Variants in ALPK2 observed in about 807,000 individuals in gnomAD.
ALPK2 encodes alpha-protein kinase 2.
Under a neutral mutation model 163.1 loss-of-function variants are expected in ALPK2, and 127 were observed. That is an observed-to-expected ratio of 0.78 (90% CI 0.67 to 0.90). ALPK2 has a LOEUF of 0.90. ALPK2 is among the 40% of genes least tolerant of loss of function. The probability of loss-of-function intolerance (pLI) is 0.00; values close to 1 mark genes in which losing one functional copy is unlikely to be tolerated. For synonymous variants in ALPK2, 953 were observed against 959.1 expected (o/e 0.99, Z 0.12); for missense variants, 2,360 against 2,589.6 (o/e 0.91, Z 1.92).
intron 4 of ALPK2, among the ~76,000 whole-genome samples, chr18:58,567,192 T>C (rs2051858965): frequency 6.6e-6 from 1 of 150,830 alleles, no homozygotes. Flanking sequence ...TCGAGACCAG[T>C]GTGGCCAACA....
chr18:58,570,540 A>C (rs900297261), intron 4 of ALPK2, among the ~76,000 whole-genome samples: 1 of 152,344 alleles, frequency 6.6e-6, no homozygotes, highest in East Asian at 1.9e-4. Flanking sequence ...GATACTTAAA[A>C]CACAACTGGG....
chr18:58,496,555 C>G (rs769657205), intron 12 of ALPK2, among the ~76,000 whole-genome samples: 1 of 152,216 alleles, frequency 6.6e-6, no homozygotes, highest in Non-Finnish European at 1.5e-5. Context: ...CCCCTTCCTA[C>G]TTTTTCAGAT....
intron 9 of ALPK2, among the ~76,000 whole-genome samples, chr18:58,516,431 A>C (rs2051521915): frequency 1.3e-5 from 2 of 152,272 alleles, no homozygotes; most frequent in South Asian, 4.2e-4. Flanking sequence ...CAAACTCAGG[A>C]AGGCAGAAAA....
intron 10 of ALPK2, among the ~76,000 whole-genome samples, chr18:58,512,711 ATGTG>A (rs1219055071): frequency 2.8e-5 from 3 of 108,476 alleles, no homozygotes; most frequent in Non-Finnish European, 6.0e-5. Context: ...GTGTATGTGT[ATGTG>A]TGTATTGTCT....
At chr18:58,507,440 G>A (rs535757619) in intron 10 of ALPK2, among the ~76,000 whole-genome samples, 203 of 152,296 alleles carry the variant, frequency 1.3e-3, no homozygotes, top group African/African-American at 4.1e-3. Flanking sequence ...GCCACACAAC[G>A]TCAGGAAAAG....
chr18:58,620,884 G>A (rs755896526), intron 1 of ALPK2, among the ~76,000 whole-genome samples: 7 of 152,154 alleles, frequency 4.6e-5, no homozygotes, highest in Admixed American at 2.6e-4. Flanking sequence ...GGCCCGGCAC[G>A]GTGGCTCCCG....
At chr18:58,505,812 G>A (rs1249734280) in intron 10 of ALPK2, among the ~76,000 whole-genome samples, 4 of 152,208 alleles carry the variant, frequency 2.6e-5, no homozygotes, top group Non-Finnish European at 1.5e-5. Context: ...GTTAAGTCCA[G>A]TGTTCTCTTC....
intron 4 of ALPK2, among the ~76,000 whole-genome samples, chr18:58,539,756 T>C (rs899416501): frequency 7.9e-5 from 12 of 152,180 alleles, no homozygotes; most frequent in Non-Finnish European, 2.9e-5. Flanking sequence ...TGAGATTGAT[T>C]CTCATAAATC....
chr18:58,573,444 T>C (rs992718794), intron 4 of ALPK2, among the ~76,000 whole-genome samples: 7 of 147,780 alleles, frequency 4.7e-5, no homozygotes, highest in African/African-American at 1.7e-4. Context: ...GGTCTTGCTA[T>C]GTTGCCCAGG....
chr18:58,509,682 C>T (rs534385691), intron 10 of ALPK2, among the ~76,000 whole-genome samples: 4 of 152,010 alleles, frequency 2.6e-5, no homozygotes. Context: ...TAAATGTCTT[C>T]TTTTGAGAAG....
chr18:58,578,979 T>G lies in ALPK2; in HGVS notation c.1797A>C (p.Ala599=). 1 of 1,614,234 alleles carries G rather than the reference T, an allele frequency of 6.2e-7. No homozygotes were observed. Among genetic ancestry groups the G allele is most frequent in the Non-Finnish European group, 8.5e-7 (1 of 1,180,032 alleles). Residue 599 remains alanine (A), a synonymous_variant, in exon 4 of 13, where the codon GCA becomes GCC. Transcript: ENST00000361673. Reference sequence around the variant, plus strand: ...CCTGGGTTGAAATAGCACATTCTCTTGCATCAGCATGGGAACTCCGACCAG... The same window carrying G: ...CCTGGGTTGAAATAGCACATTCTCTGGCATCAGCATGGGAACTCCGACCAG... ...AATGRSSHAD[A]RECAISTQAE...
At chr18:58,625,243 CA>C (rs2052223697) in intron 1 of ALPK2, among the ~76,000 whole-genome samples, 1 of 151,900 alleles carries the variant, frequency 6.6e-6, no homozygotes. Context: ...ATATTGTCCC[CA>C]CACTCAGTGT....
intron 3 of ALPK2, among the ~76,000 whole-genome samples, chr18:58,583,417 G>C (rs150798486): frequency 1.3e-5 from 2 of 152,192 alleles, no homozygotes; most frequent in East Asian, 3.9e-4. Flanking sequence ...GGGGGCAGTG[G>C]TGCAGCTTAG....
At chr18:58,616,046 A>G (rs2052165773) in intron 1 of ALPK2, among the ~76,000 whole-genome samples, 1 of 152,226 alleles carries the variant, frequency 6.6e-6, no homozygotes, top group Admixed American at 6.5e-5. Context: ...CAGATTTATC[A>G]TTCTCTGCTA....
intron 4 of ALPK2, among the ~76,000 whole-genome samples, chr18:58,553,991 A>AG (rs2051775197): frequency 6.7e-6 from 1 of 149,818 alleles, no homozygotes; most frequent in African/African-American, 2.5e-5. Flanking sequence ...CCTCCTGAGT[A>AG]CCTGGGAATA....
chr18:58,618,281 A>G (rs1234052341), intron 1 of ALPK2, among the ~76,000 whole-genome samples: 1 of 152,220 alleles, frequency 6.6e-6, no homozygotes, highest in African/African-American at 2.4e-5. Context: ...TCCTGACCTC[A>G]GATGATCCAC....
In ALPK2 at chr18:58,523,932, T is replaced by TA. The variant is rs768853369; in HGVS notation, c.5629+2dup. 1 of 1,614,186 alleles carries TA rather than the reference T, an allele frequency of 6.2e-7. No homozygotes were observed. Among genetic ancestry groups the TA allele is most frequent in the South Asian group, 1.1e-5 (1 of 91,088 alleles). On this transcript the variant is annotated splice_region_variant and intron_variant, in intron 7 of 12. Coordinates refer to ENST00000361673, the MANE Select transcript of ALPK2 (RefSeq NM_052947.4). ...TGGTTTTTCATTGAAAACTGTGGTT[T>TA]ACCTTCAGCTGTGAGGTTAAATTCA...
At position 58,536,111 on chromosome 18, in the gene ALPK2, G is replaced by T. The variant is rs372041420; in HGVS notation, c.4076C>A (p.Ala1359Glu). ...KELSVTDSLS[A>E]ASETGGKENV... Reference sequence around the variant, plus strand: ...TTCCTTCCCTCCAGTTTCAGAAGCCGCTGACAGTGAATCTGTGACAGATAA... The same window carrying T: ...TTCCTTCCCTCCAGTTTCAGAAGCCTCTGACAGTGAATCTGTGACAGATAA... Residue 1359 changes from alanine (A) to glutamate (E), a missense_variant, in exon 5 of 13, where the codon GCG becomes GAG. By Grantham distance (107) the Ala-to-Glu change is moderately radical. Coordinates refer to ENST00000361673, the MANE Select transcript of ALPK2 (RefSeq NM_052947.4). The T allele has an allele frequency of 8.7e-6, 14 of 1,614,088 alleles. No individual in the cohort carries two copies. The African/African-American group carries it at 9.3e-5, about 11-fold the overall frequency.
intron 8 of ALPK2, among the ~76,000 whole-genome samples, chr18:58,521,921 C>A (rs1235731993): frequency 6.6e-6 from 1 of 152,158 alleles, no homozygotes; most frequent in African/African-American, 2.4e-5. Context: ...GCCACCGCGC[C>A]TGGCCTATTG....
Sources: allele counts gnomAD v4.1 joint callset (sites outside exome capture counted in the v4.1 genomes callset), GRCh38; gene constraint gnomAD v4.1.1; transcripts MANE v1.5; gene names NCBI Gene and HGNC (gene_info 2026-07-23, HGNC 2026-07-21).